MGA: variants seen among roughly 807,000 people sequenced by gnomAD.
MGA encodes the protein MAX dimerization protein MGA, also known as MAX gene-associated protein.
Under a neutral mutation model 261.1 loss-of-function variants are expected in MGA, and 40 were observed. The observed-to-expected ratio is 0.15, with a 90% CI of 0.12 to 0.20. The LOEUF (loss-of-function observed/expected upper bound fraction) is 0.20. MGA is among the 10% of genes least tolerant of loss of function. The pLI, the probability that MGA is intolerant of heterozygous loss-of-function variation, is 1.00. For synonymous variants in MGA, 1,302 were observed against 1,290.6 expected, an observed-to-expected ratio of 1.01 and a Z score of -0.19; for missense variants, 3,397 against 3,630.5, an observed-to-expected ratio of 0.94 and a Z score of 1.65.
intron 1 of MGA, among the ~76,000 whole-genome samples, chr15:41,641,775 ACCGTGT>A (rs1397468054): frequency 1.3e-5 from 2 of 151,872 alleles, no homozygotes; most frequent in Non-Finnish European, 2.9e-5. Flanking sequence ...GGCATGAGCC[ACCGTGT>A]CCGGCCTACA....
intron 1 of MGA, among the ~76,000 whole-genome samples, chr15:41,667,236 A>G (rs1229729308): frequency 6.6e-6 from 1 of 151,206 alleles, no homozygotes; most frequent in African/African-American, 2.4e-5. Context: ...AATTATTATT[A>G]CTGTTAATGT....
chr15:41,655,994 C>T (rs749297996), upstream of MGA, among the ~76,000 whole-genome samples: 1 of 152,164 alleles, frequency 6.6e-6, no homozygotes, highest in Non-Finnish European at 1.5e-5. Flanking sequence ...TGTGTCCACC[C>T]TATCCCAGGC....
rs142187017 is a variant in MGA at position 41,738,500 on chromosome 15, T to C, written c.4435-1553T>C. On this transcript the variant is annotated intron_variant, in intron 13 of 23. Transcript: ENST00000219905. ...TAAATGCTTCTGTTGATATTTCTTA[T>C]ACTCTTGATGAGGAGAACAGTATTT... 1.9e-3 allele frequency among the ~76,000 whole-genome samples: 285 copies of C among 152,352 alleles called. 1 individual carries two copies. Among genetic ancestry groups the C allele is most frequent in the Admixed American group, 4.1e-3 (63 of 15,300 alleles).
At chr15:41,655,548 T>G (rs1302415086), upstream of MGA, among the ~76,000 whole-genome samples, 1 of 152,222 alleles carries the variant, frequency 6.6e-6, no homozygotes, top group East Asian at 1.9e-4. Context: ...GTTATACTTT[T>G]TTTTATTTTG....
intron 5 of MGA, 29 bp downstream of exon 5, chr15:41,699,188 G>T (rs771245241): frequency 1.4e-5 from 19 of 1,398,082 alleles, no homozygotes; most frequent in African/African-American, 7.5e-5. Context: ...CTTTTTTTTT[G>T]TTTTCTTTTT....
Position 41,749,870 on chromosome 15 carries a change from C to G in MGA, c.6263C>G (p.Thr2088Ser). The change falls in exon 17 of 24, where the codon ACC becomes AGC. Residue 2088 changes from threonine to serine, a missense_variant. Coordinates refer to ENST00000219905, the MANE Select transcript of MGA (RefSeq NM_001164273.2). ...AAAGTGGCTGTTCTGGAAGTTAGGA[C>G]CATTTCTGAAAAAGCCAGTAATAAG... The G allele has an allele frequency of 6.2e-7, 1 of 1,613,874 alleles. No homozygotes were observed. The highest frequency in any genetic ancestry group is 1.1e-5 in the South Asian group (1 of 91,072).
intron 3 of MGA, among the ~76,000 whole-genome samples, chr15:41,698,106 G>A (rs549602403): frequency 8.0e-5 from 12 of 149,078 alleles, no homozygotes; most frequent in South Asian, 6.4e-4. Flanking sequence ...TCCTGGCCTC[G>A]TGATCCTCCT....
chr15:41,737,190 C>G (rs2061828749), intron 13 of MGA, among the ~76,000 whole-genome samples: 1 of 152,056 alleles, frequency 6.6e-6, no homozygotes, highest in Admixed American at 6.6e-5. Flanking sequence ...TTATTGCAAT[C>G]TTGGCTCACA....
intron 9 of MGA, among the ~76,000 whole-genome samples, chr15:41,726,824 G>T (rs774006202): frequency 2.0e-4 from 30 of 151,516 alleles, no homozygotes; most frequent in Admixed American, 7.9e-4. Flanking sequence ...TAATTACCTT[G>T]CTGTGTTTTT....
rs146008702 is a variant in MGA, at chr15:41,706,066, G to A, written c.2189-1662G>A. On this transcript the variant is annotated intron_variant, in intron 5 of 23. Transcript: ENST00000219905. ...AGCCTGACCAATATGGTGAAACCCC[G>A]TCTCTACTAAAAATACAAAAATTAG... 8.3e-3 allele frequency among the ~76,000 whole-genome samples: 1,267 copies of A among 151,844 alleles called. 13 individuals are homozygous for A. Among genetic ancestry groups the A allele is most frequent in the African/African-American group, 0.029 (1,210 of 41,404 alleles).
chr15:41,699,183 T>A, intron 5 of MGA, 24 bp downstream of exon 5: 1 of 1,452,538 alleles, frequency 6.9e-7, no homozygotes, highest in Non-Finnish European at 9.2e-7. Context: ...GACTTCTTTT[T>A]TTTTGTTTTC....
rs761646797 is a variant in MGA at position 41,740,800 on chromosome 15, G to T, written c.4585+597G>T. Among the ~76,000 whole-genome samples the T allele has an allele frequency of 4.3e-4, 66 of 152,122 alleles. 2 individuals carry two copies. Among genetic ancestry groups the T allele is most frequent in the Admixed American group, 2.0e-4 (3 of 15,266 alleles). ...CTCCTATAAATACAATTTTGAAAGT[G>T]TTGATTTATTCCATTCATCTCTGTT... is the stretch of plus-strand genomic sequence containing the variant. On this transcript the variant is annotated intron_variant, in intron 14 of 23. Coordinates refer to ENST00000219905, the MANE Select transcript of MGA (RefSeq NM_001164273.2).
At chr15:41,633,153 G>C (rs986281864) in intron 1 of MGA, among the ~76,000 whole-genome samples, 7 of 151,928 alleles carry the variant, frequency 4.6e-5, no homozygotes, top group African/African-American at 1.5e-4. Context: ...GTTTCACTGC[G>C]TTAGCCAGGA....
chr15:41,720,608 G>C (rs1275214130), intron 9 of MGA, among the ~76,000 whole-genome samples: 2 of 152,112 alleles, frequency 1.3e-5, no homozygotes, highest in Admixed American at 6.6e-5. Flanking sequence ...GAGGTGGGCA[G>C]ATTGCCTGAG....
intron 1 of MGA, among the ~76,000 whole-genome samples, chr15:41,639,602 TG>T (rs1313957389): frequency 6.6e-6 from 1 of 151,960 alleles, no homozygotes; most frequent in Non-Finnish European, 1.5e-5. Context: ...TGGAGTGCAG[TG>T]GCGCAATCTC....
upstream of MGA, among the ~76,000 whole-genome samples, chr15:41,656,467 G>T (rs888538689): frequency 6.6e-6 from 1 of 151,066 alleles, no homozygotes; most frequent in East Asian, 1.9e-4. Context: ...TCACCCTCCT[G>T]AGTGGCTGGG....
intron 5 of MGA, among the ~76,000 whole-genome samples, chr15:41,702,302 G>A (rs1452114417): frequency 2.1e-5 from 3 of 142,764 alleles, no homozygotes; most frequent in African/African-American, 5.1e-5. Flanking sequence ...CAGCCTGGGC[G>A]ACACAGTGAG....
rs749481120 is a variant in MGA at position 41,668,943 on chromosome 15, G to A, written c.49G>A (p.Val17Met). ...ATTGGCTAATCAAGATGGTGGAACA[G>A]TGGCAGGAGCAGCACCTACCTTCTT... is the stretch of plus-strand genomic sequence containing the variant. The change falls in exon 2 of 24, where the codon GTG (valine) becomes ATG (methionine). Residue 17 changes from valine to methionine, a missense_variant. By Grantham distance (21) the Val-to-Met change is conservative (BLOSUM62 1). This residue lies in a region of MGA where 81 missense variants were observed against 84.3 expected (regional missense o/e 0.96). Transcript: ENST00000219905. The A allele has an allele frequency of 6.2e-7, 1 of 1,602,042 alleles. No individual in the cohort carries two copies. The highest frequency in any genetic ancestry group is 8.5e-7 in the Non-Finnish European group (1 of 1,170,916).
chr15:41,670,895 T>A (rs1390981454), intron 2 of MGA, among the ~76,000 whole-genome samples: 1 of 148,510 alleles, frequency 6.7e-6, no homozygotes, highest in Non-Finnish European at 1.5e-5. Context: ...GGCAGTAAAT[T>A]CACAAATATT....
Sources: gnomAD v4.1 joint callset for allele counts (sites outside exome capture counted in the v4.1 genomes callset) on GRCh38, gnomAD v4.1.1 for gene constraint, gnomAD v4.1.1 regional missense constraint, MANE v1.5 for transcripts, NCBI Gene and HGNC (gene_info 2026-07-23, HGNC 2026-07-21) for gene names.